Variants in ATP8B2 observed in about 807,000 individuals in gnomAD.
ATP8B2 encodes the protein phospholipid-transporting ATPase ID.
Under a neutral mutation model 133.4 loss-of-function variants are expected in ATP8B2, and 70 were observed. The ratio of observed to expected loss-of-function variants is 0.52; its 90% CI spans 0.43 to 0.64. The LOEUF is 0.64. Ranked by LOEUF, ATP8B2 falls within the 30% of genes least tolerant of loss-of-function variation. ATP8B2 has a pLI of 0.00. For missense variants in ATP8B2, 1,101 were observed against 1,535.7 expected (o/e 0.72, Z 4.73); for synonymous variants, 517 against 589.5 (o/e 0.88, Z 1.78).
At chr1:154,336,758 G>A (rs1013779705) in intron 11 of ATP8B2, among the ~76,000 whole-genome samples, 2 of 148,346 alleles carry the variant, frequency 1.3e-5, no homozygotes, top group Non-Finnish European at 3.0e-5. Context: ...GCCTCCCAAA[G>A]TGCTGGGATT....
intron 9 of ATP8B2, among the ~76,000 whole-genome samples, chr1:154,333,261 C>T (rs1265003019): frequency 3.3e-5 from 5 of 151,776 alleles, no homozygotes; most frequent in Admixed American, 6.6e-5. Flanking sequence ...TGCAGGGAGG[C>T]GGAGGTTGCA....
rs373221836 is a variant in ATP8B2, at chr1:154,333,503, C to CAA, written c.590-593_590-592dup. On this transcript the variant is annotated intron_variant, in intron 9 of 27. Transcript: ENST00000368489. ...TGGGCAACACAGTGAGACACTGTCTCAAAAAAAAAAAAGAAGAAGAAAATA... is the reference window on the plus strand; with the variant it reads ...TGGGCAACACAGTGAGACACTGTCTCAAAAAAAAAAAAAAGAAGAAGAAAATA... 5.9e-4 allele frequency among the ~76,000 whole-genome samples: 80 copies of CAA among 135,352 alleles called. 1 individual carries two copies. Among genetic ancestry groups the CAA allele is most frequent in the Admixed American group, 1.3e-3 (18 of 13,770 alleles). 88.8% of individuals were successfully genotyped at this position (135,352 alleles called of 152,430 possible). A position where few individuals can be genotyped will look rare whatever the true frequency, so the allele number is the denominator to read the frequency against.
At position 154,345,049 on chromosome 1, in the gene ATP8B2, G is replaced by A; in HGVS notation, c.2365G>A (p.Val789Met). The A allele has an allele frequency of 6.2e-7, 1 of 1,614,198 alleles. No individual in the cohort carries two copies. Among genetic ancestry groups the A allele is most frequent in the Non-Finnish European group, 8.5e-7 (1 of 1,180,032 alleles). The stretch of plus-strand genomic sequence containing the variant: ...CTGCAAAGCTGTCATCTGCTGCCGG[G>A]TGACCCCCTTGCAGAAGGCACAGGT... ...CACKAVICCR[V>M]TPLQKAQVVE... The change falls in exon 22 of 28, where the codon GTG becomes ATG. Residue 789 changes from valine (V) to methionine (M), a missense_variant. Coordinates refer to ENST00000368489, the MANE Select transcript of ATP8B2 (RefSeq NM_001370597.1). The surrounding 1 kb of genome is among the most constrained non-coding windows in gnomAD (Gnocchi z 5.6).
chr1:154,344,284 C>T lies in ATP8B2; in HGVS notation c.2035+30C>T. 6.2e-7 allele frequency: 1 copy of T among 1,614,146 alleles called. No individual in the cohort carries two copies. The highest frequency in any genetic ancestry group is 8.5e-7 in the Non-Finnish European group (1 of 1,179,976). On this transcript the variant is annotated intron_variant, in intron 19 of 27. Coordinates refer to ENST00000368489, the MANE Select transcript of ATP8B2 (RefSeq NM_001370597.1). This position sits in a 1 kb window ranked among gnomAD's most constrained non-coding sequence, Gnocchi z 4.1. ...GAGCCCAGCAGGGCAGAGCCAGTTGCAACTGACAGTAGCCCTGTTGGACCC... is the reference window on the plus strand; with the variant it reads ...GAGCCCAGCAGGGCAGAGCCAGTTGTAACTGACAGTAGCCCTGTTGGACCC...
intron 26 of ATP8B2, 94 bp from the exon 27 acceptor site, chr1:154,348,314 G>C (rs541677092): frequency 7.2e-7 from 1 of 1,397,766 alleles, no homozygotes; most frequent in African/African-American, 1.4e-5. Context: ...AGGTGACTTA[G>C]GCTTTGAGAG....
chr1:154,344,041 T>C lies in ATP8B2; in HGVS notation c.1907T>C (p.Val636Ala), dbSNP rs1570868512. ...EDRLASIYEEVENNMMLLGAT... is the reference protein window; with the variant it reads ...EDRLASIYEEAENNMMLLGAT... The stretch of plus-strand genomic sequence containing the variant: ...AGGCTGGCTAGCATCTATGAGGAGG[T>C]TGAGAACAACATGATGGTACGGGCT... The change falls in exon 18 of 28, where the codon GTT becomes GCT. Residue 636 changes from valine to alanine, a missense_variant. Physicochemically the swap from Val to Ala is moderately conservative, Grantham distance 64. Coordinates refer to ENST00000368489, the MANE Select transcript of ATP8B2 (RefSeq NM_001370597.1). This position sits in a 1 kb window ranked among gnomAD's most constrained non-coding sequence, Gnocchi z 4.1. 6.2e-7 allele frequency: 1 copy of C among 1,612,852 alleles called. No individual in the cohort carries two copies. Among genetic ancestry groups the C allele is most frequent in the Non-Finnish European group, 8.5e-7 (1 of 1,179,480 alleles).
At chr1:154,329,187 C>T in intron 2 of ATP8B2, 1 of 1,007,612 alleles carries the variant, frequency 9.9e-7, no homozygotes, top group Non-Finnish European at 1.3e-6. Flanking sequence ...TCTTTCCAGA[C>T]CCAGAGATCC....
At chr1:154,347,797 G>A (rs1238837389) in intron 26 of ATP8B2, among the ~76,000 whole-genome samples, 3 of 152,002 alleles carry the variant, frequency 2.0e-5, no homozygotes, top group Non-Finnish European at 2.9e-5. Flanking sequence ...AAAATTAGCC[G>A]GACTTGGTGG....
rs752374784 is a variant in ATP8B2 at position 154,343,985 on chromosome 1, G to A, written c.1851G>A (p.Gln617=). 5.6e-6 allele frequency: 9 copies of A among 1,614,064 alleles called. No individual in the cohort carries two copies. The South Asian group carries it at 9.9e-5, about 18-fold the overall frequency. Reference sequence around the variant, plus strand: ...AGGAGTGGGCTGAGCGACGCCTCCAGGCCAGCCTGGCCCAGGACAGCCGGG... The same window carrying A: ...AGGAGTGGGCTGAGCGACGCCTCCAAGCCAGCCTGGCCCAGGACAGCCGGG... The part of the protein sequence containing the change: ...YYEEWAERRL[Q]ASLAQDSRED... Residue 617 remains glutamine (Q), a synonymous_variant, in exon 18 of 28, where the codon CAG becomes CAA. Transcript: ENST00000368489. This position sits in a 1 kb window ranked among gnomAD's most constrained non-coding sequence, Gnocchi z 5.8.
In ATP8B2 at chr1:154,331,762, G is replaced by A; in HGVS notation, c.438+84G>A. On this transcript the variant is annotated intron_variant, in intron 7 of 27. Transcript: ENST00000368489. This position sits in a 1 kb window ranked among gnomAD's most constrained non-coding sequence, Gnocchi z 4.8. ...GATGAATCTTTCCTGATTTACTGTTGCCTCTTAAACACCCGTGGCAGGAAT... is the reference window on the plus strand; with the variant it reads ...GATGAATCTTTCCTGATTTACTGTTACCTCTTAAACACCCGTGGCAGGAAT... 2 of 1,479,614 alleles carry A rather than the reference G, an allele frequency of 1.4e-6. No individual in the cohort carries two copies. Among genetic ancestry groups the A allele is most frequent in the Non-Finnish European group, 1.9e-6 (2 of 1,058,278 alleles). 91.7% of individuals were successfully genotyped at this position (1,479,614 alleles called of 1,614,324 possible).
In ATP8B2 at chr1:154,334,472, G is replaced by T. The variant is rs763172393; in HGVS notation, c.749-31G>T. 7 of 1,608,866 alleles carry T rather than the reference G, an allele frequency of 4.4e-6. No individual in the cohort carries two copies. The Admixed American group carries it at 1.2e-4, about 27-fold the overall frequency. On this transcript the variant is annotated intron_variant, in intron 10 of 27. Coordinates refer to ENST00000368489, the MANE Select transcript of ATP8B2 (RefSeq NM_001370597.1). The surrounding 1 kb of genome is among the most constrained non-coding windows in gnomAD (Gnocchi z 4.6). ...AAGCCCAGAGGCAGATGTGTTATTTGGCTTTCCCAGCCCTTCCCATTCTTT... is the reference window on the plus strand; with the variant it reads ...AAGCCCAGAGGCAGATGTGTTATTTTGCTTTCCCAGCCCTTCCCATTCTTT...
intron 8 of ATP8B2, 47 bp downstream of exon 8, chr1:154,332,071 G>T (rs776426002): frequency 2.5e-6 from 4 of 1,580,646 alleles, no homozygotes; most frequent in South Asian, 2.2e-5. Flanking sequence ...TCTCTTTGGA[G>T]GTAAAAAGAT....
chr1:154,339,399 T>C (rs1048987917), intron 12 of ATP8B2, among the ~76,000 whole-genome samples: 2 of 152,240 alleles, frequency 1.3e-5, no homozygotes, highest in African/African-American at 4.8e-5. Context: ...TGTCTTGATA[T>C]AAGATATTGG....
rs965942061 is a variant in ATP8B2 at position 154,325,564 on chromosome 1, G to C, written c.-176G>C. On this transcript the variant is annotated 5_prime_UTR_variant, in exon 1 of 28. Transcript: ENST00000368489. ...GTGGCCGAAACTGACACAAAGTAGCGGGCCGAGGCCCCGGGGGAGCGGGGC... is the reference window on the plus strand; with the variant it reads ...GTGGCCGAAACTGACACAAAGTAGCCGGCCGAGGCCCCGGGGGAGCGGGGC... The C allele has an allele frequency of 6.6e-6, 1 of 152,024 alleles. No homozygotes were observed. Among genetic ancestry groups the C allele is most frequent in the Non-Finnish European group, 1.5e-5 (1 of 67,932 alleles). 9.4% of individuals were successfully genotyped at this position (152,024 alleles called of 1,614,324 possible). A position where few individuals can be genotyped will look rare whatever the true frequency, so the allele number is the denominator to read the frequency against.
chr1:154,342,987 C>T lies in ATP8B2; in HGVS notation c.1453+26C>T, dbSNP rs865795412. On this transcript the variant is annotated intron_variant, in intron 15 of 27. Transcript: ENST00000368489. ...GTGGGCCGAGGAGCCGGCTCGCACT[C>T]TCCTGACCTGACTCTGCCCTTGGGC... The T allele has an allele frequency of 1.9e-6, 3 of 1,611,102 alleles. No individual in the cohort carries two copies. In the Middle Eastern group the frequency reaches 5.1e-4, roughly 272 times the overall value.
chr1:154,345,959 G>T lies in ATP8B2; in HGVS notation c.2778+76G>T. On this transcript the variant is annotated intron_variant, in intron 24 of 27. Coordinates refer to ENST00000368489, the MANE Select transcript of ATP8B2 (RefSeq NM_001370597.1). The surrounding 1 kb of genome is among the most constrained non-coding windows in gnomAD (Gnocchi z 5.6). ...AAGGAGTCACATAGACGTGGTGTGTGACACTTGTGCCCATTTCCTGTGGCC... is the reference window on the plus strand; with the variant it reads ...AAGGAGTCACATAGACGTGGTGTGTTACACTTGTGCCCATTTCCTGTGGCC... 1 of 1,391,370 alleles carries T rather than the reference G, an allele frequency of 7.2e-7. No individual in the cohort carries two copies. The highest frequency in any genetic ancestry group is 1.2e-5 in the South Asian group (1 of 84,582). The allele number at this position is 1,391,370 out of a possible 1,614,324, so 86.2% of individuals were successfully genotyped here.
chr1:154,327,815 G>A (rs539568170), intron 1 of ATP8B2: 2 of 1,613,926 alleles, frequency 1.2e-6, no homozygotes, highest in East Asian at 2.2e-5. Context: ...TACCTTGAGA[G>A]CTGTTCCCCT....
Position 154,346,399 on chromosome 1 carries a change from G to A in ATP8B2, c.2947G>A (p.Asp983Asn). ...YGVFADATRD[D>N]GTQLADYQSF... Reference sequence around the variant, plus strand: ...GGTGTTTGCTGATGCCACCCGGGATGATGGCACTCAGCTGGCTGACTACCA... The same window carrying A: ...GGTGTTTGCTGATGCCACCCGGGATAATGGCACTCAGCTGGCTGACTACCA... Residue 983 changes from aspartate to asparagine, a missense_variant, in exon 25 of 28, where the codon GAT becomes AAT. Asp to Asn is a conservative substitution (Grantham distance 23). Transcript: ENST00000368489. The surrounding 1 kb of genome is among the most constrained non-coding windows in gnomAD (Gnocchi z 4.5). 4 of 1,614,204 alleles carry A rather than the reference G, an allele frequency of 2.5e-6. No individual in the cohort carries two copies. Among genetic ancestry groups the A allele is most frequent in the Non-Finnish European group, 3.4e-6 (4 of 1,180,034 alleles).
chr1:154,325,856 G>A (rs1050182712), intron 1 of ATP8B2, among the ~76,000 whole-genome samples, 154 bp downstream of exon 1: 2 of 152,198 alleles, frequency 1.3e-5, no homozygotes, highest in African/African-American at 4.8e-5. Flanking sequence ...CGGCCAGACG[G>A]GGCGGGGATG....
Sources: gnomAD v4.1 joint callset for allele counts (sites outside exome capture counted in the v4.1 genomes callset) on GRCh38, gnomAD v4.1.1 for gene constraint, Gnocchi (gnomAD v3.1) non-coding constraint, MANE v1.5 for transcripts, NCBI Gene and HGNC (gene_info 2026-07-23, HGNC 2026-07-21) for gene names.